The following COL5A2 variants were observed in gnomAD, a reference collection of about 807,000 sequenced individuals.
The protein encoded by COL5A2 is collagen alpha-2(V) chain.
COL5A2 carries 23 observed loss-of-function variants against 208.2 expected under a neutral mutation model. That is an observed-to-expected ratio of 0.11 (90% CI 0.08 to 0.16). The LOEUF (loss-of-function observed/expected upper bound fraction) is 0.16, where lower values mean the gene tolerates loss of function less well. Among genes scored for constraint, COL5A2 ranks in the 10% least tolerant of loss-of-function variants. COL5A2 has a pLI of 1.00. For missense variants in COL5A2, 1,590 were observed against 1,956.4 expected, an observed-to-expected ratio of 0.81 and a Z score of 3.53; for synonymous variants, 625 against 628.5, an observed-to-expected ratio of 0.99 and a Z score of 0.08.
chr2:189,170,284 T>A (rs1169550277), intron 1 of COL5A2, among the ~76,000 whole-genome samples: 1 of 152,072 alleles, frequency 6.6e-6, no homozygotes, highest in African/African-American at 2.4e-5. Flanking sequence ...GTGGAAAAAA[T>A]TTTTCTAGAT....
At chr2:189,344,546 C>G in the COL5A2 span, among the ~76,000 whole-genome samples, 8 of 152,136 alleles carry the variant, frequency 5.3e-5, no homozygotes, top group African/African-American at 1.9e-4. Context: ...AAAGCACAAT[C>G]CACCTGCTGC....
intron 1 of COL5A2, among the ~76,000 whole-genome samples, chr2:189,215,292 G>T (rs893924234): frequency 1.3e-5 from 2 of 152,130 alleles, no homozygotes; most frequent in Non-Finnish European, 2.9e-5. Flanking sequence ...GGGATGGTTG[G>T]TCACTCTAAG....
chr2:189,153,032 C>G (rs1318167558), intron 1 of COL5A2, among the ~76,000 whole-genome samples: 1 of 152,094 alleles, frequency 6.6e-6, no homozygotes, highest in Non-Finnish European at 1.5e-5. Context: ...TTTGTATTTT[C>G]TCATCTTTTA....
At chr2:189,178,846 T>C (rs968994888) in intron 1 of COL5A2, among the ~76,000 whole-genome samples, 1 of 152,010 alleles carries the variant, frequency 6.6e-6, no homozygotes, top group African/African-American at 2.4e-5. Flanking sequence ...GTCCTGTTAA[T>C]CAAGCCAGTA....
chr2:189,147,393 G>A (rs78849184), intron 1 of COL5A2, among the ~76,000 whole-genome samples: 4,904 of 152,182 alleles, frequency 0.032, 124 homozygotes, highest in Non-Finnish European at 0.051. Flanking sequence ...AGAATTCAGC[G>A]AAGACCCTGG....
At chr2:189,201,202 A>G (rs10166385) in intron 1 of COL5A2, among the ~76,000 whole-genome samples, 22,578 of 152,054 alleles carry the variant, frequency 0.15, 2,857 homozygotes, top group African/African-American at 0.34. Context: ...TTGGAAAAAT[A>G]CTGTTGGAAA....
In COL5A2 at chr2:189,057,413, T is replaced by C. The variant is rs1357263838; in HGVS notation, c.2244A>G (p.Pro748=). 1.2e-6 allele frequency: 2 copies of C among 1,612,430 alleles called. No individual in the cohort carries two copies. Among genetic ancestry groups the C allele is most frequent in the East Asian group, 2.2e-5 (1 of 44,848 alleles). The change falls in exon 34 of 54, where the codon CCA becomes CCG. Residue 748 remains proline, a synonymous_variant. Transcript: ENST00000374866. ...GPDGPKGSPG[P]SGTPGDTGPP... is the part of the protein sequence containing the mutation. Reference sequence around the variant, plus strand: ...GGCCTGTATCTCCAGGGGTCCCAGATGGACCTGGACTGCCCTAAAATGAAC... The same window carrying C: ...GGCCTGTATCTCCAGGGGTCCCAGACGGACCTGGACTGCCCTAAAATGAAC...
intron 18 of COL5A2, among the ~76,000 whole-genome samples, chr2:189,069,847 T>C (rs1367614141): frequency 1.3e-5 from 2 of 152,170 alleles, no homozygotes; most frequent in Non-Finnish European, 2.9e-5. Context: ...CATTTATCAG[T>C]AAAGTGAAAA....
the COL5A2 span, among the ~76,000 whole-genome samples, chr2:189,367,432 A>T: frequency 6.6e-6 from 1 of 152,270 alleles, no homozygotes; most frequent in East Asian, 1.9e-4. Context: ...TATTGAACGT[A>T]ATTACTACAT....
the COL5A2 span, among the ~76,000 whole-genome samples, chr2:189,262,282 C>A: frequency 1.3e-5 from 2 of 152,052 alleles, no homozygotes; most frequent in African/African-American, 2.4e-5. Context: ...CCAAACCCTA[C>A]CTTCAGTTTT....
At chr2:189,053,153 A>C in intron 38 of COL5A2, 135 bp from the exon 39 acceptor site, 1 of 804,604 alleles carries the variant, frequency 1.2e-6, no homozygotes, top group Non-Finnish European at 2.0e-6. Context: ...AGCATACTAA[A>C]GGAAAAAAAG....
At chr2:189,252,376 T>A in the COL5A2 span, among the ~76,000 whole-genome samples, 1 of 152,250 alleles carries the variant, frequency 6.6e-6, no homozygotes, top group Admixed American at 6.5e-5. Flanking sequence ...TGTCCATCAA[T>A]GATAGACTGG....
intron 8 of COL5A2, 23 bp from the exon 9 acceptor site, chr2:189,086,793 C>T (rs774882220): frequency 2.3e-5 from 36 of 1,566,732 alleles, no homozygotes; most frequent in Admixed American, 3.7e-5. Flanking sequence ...TGAGGAGAAA[C>T]GTTGCAAAGT....
At chr2:189,275,457 C>CTTTTTTT in the COL5A2 span, among the ~76,000 whole-genome samples, 1 of 140,090 alleles carries the variant, frequency 7.1e-6, no homozygotes, top group Non-Finnish European at 1.5e-5. Flanking sequence ...TCTTTCTTTC[C>CTTTTTTT]TTTTTTTTTT....
intron 1 of COL5A2, among the ~76,000 whole-genome samples, chr2:189,166,849 C>T (rs988183709): frequency 9.8e-5 from 15 of 152,322 alleles, no homozygotes; most frequent in African/African-American, 3.6e-4. Flanking sequence ...AATCTGTGTC[C>T]TAGGACGCTA....
At chr2:189,245,877 G>A in the COL5A2 span, among the ~76,000 whole-genome samples, 1 of 152,118 alleles carries the variant, frequency 6.6e-6, no homozygotes, top group African/African-American at 2.4e-5. Context: ...TACAACTTTT[G>A]TTTAGTACAA....
At chr2:189,288,344 C>A in the COL5A2 span, among the ~76,000 whole-genome samples, 1 of 152,030 alleles carries the variant, frequency 6.6e-6, no homozygotes. Context: ...TTGTTAAGTC[C>A]TTGAAAGTAA....
At chr2:189,059,200 C>T (rs750355381) in intron 31 of COL5A2, among the ~76,000 whole-genome samples, 3 of 151,738 alleles carry the variant, frequency 2.0e-5, no homozygotes, top group Non-Finnish European at 4.4e-5. Context: ...AAAATACATG[C>T]TAAATGTCTT....
the COL5A2 span, among the ~76,000 whole-genome samples, chr2:189,367,998 T>C: frequency 6.6e-6 from 1 of 152,180 alleles, no homozygotes; most frequent in African/African-American, 2.4e-5. Flanking sequence ...AACAGATTTA[T>C]TTTCCAACTC....
Sources: gnomAD v4.1 joint callset for allele counts (sites outside exome capture counted in the v4.1 genomes callset) on GRCh38, gnomAD v4.1.1 for gene constraint, MANE v1.5 for transcripts, NCBI Gene and HGNC (gene_info 2026-07-23, HGNC 2026-07-21) for gene names.